The following USP36 variants were observed in gnomAD, a reference collection of about 807,000 sequenced individuals.
The protein encoded by USP36 is ubiquitin carboxyl-terminal hydrolase 36.
In USP36, 59 loss-of-function variants were observed where a neutral mutation model predicts 111.5. That is an observed-to-expected ratio of 0.53 (90% CI 0.43 to 0.66). The LOEUF (loss-of-function observed/expected upper bound fraction) is 0.66, where lower values mean the gene tolerates loss of function less well. Ranked by LOEUF, USP36 falls within the 30% of genes least tolerant of loss-of-function variation. The pLI, the probability that USP36 is intolerant of heterozygous loss-of-function variation, is 0.00. For missense variants in USP36, 1,488 were observed against 1,468.0 expected (o/e 1.01, Z -0.22); for synonymous variants, 628 against 581.0 (o/e 1.08, Z -1.16).
At chr17:78,823,962 C>G (rs1008148224) in intron 6 of USP36, among the ~76,000 whole-genome samples, 6 of 152,174 alleles carry the variant, frequency 3.9e-5, no homozygotes, top group Non-Finnish European at 8.8e-5. Flanking sequence ...CAGCAATGAA[C>G]AAGAATCAAA....
At chr17:78,800,682 T>G (rs959019367) in intron 17 of USP36, among the ~76,000 whole-genome samples, 4 of 152,162 alleles carry the variant, frequency 2.6e-5, no homozygotes, top group Non-Finnish European at 5.9e-5. Context: ...CTCCTGCCCT[T>G]GGGTCTGGTG....
rs2093940604 is a variant in USP36, at chr17:78,807,532, G to A, written c.1512C>T (p.Cys504=). The part of the protein sequence containing the change: ...STLGLKSQNG[C]IPPKLPSGSP... ...ACCCCGAGGGCAGCTTTGGAGGAAT[G>A]CAGCCGTTCTGGGACTTCAGGCCCA... is the stretch of plus-strand genomic sequence containing the variant. Residue 504 remains cysteine, a synonymous_variant, in exon 14 of 21, where the codon TGC becomes TGT. Transcript: ENST00000449938. 6.2e-7 allele frequency: 1 copy of A among 1,613,564 alleles called. No individual in the cohort carries two copies. Among genetic ancestry groups the A allele is most frequent in the Non-Finnish European group, 8.5e-7 (1 of 1,179,776 alleles).
chr17:78,834,997 G>GTATA (rs10527657), intron 4 of USP36, among the ~76,000 whole-genome samples: 43,165 of 141,060 alleles, frequency 0.31, 6,800 homozygotes, highest in South Asian at 0.38. Flanking sequence ...AATAATATTT[G>GTATA]TATATATATA....
chr17:78,806,817 G>A (rs969287945), intron 14 of USP36, 142 bp downstream of exon 14: 20 of 1,213,000 alleles, frequency 1.6e-5, no homozygotes, highest in Non-Finnish European at 2.3e-5. Context: ...AAATGGCTGG[G>A]AACGACTAAA....
At chr17:78,793,170 G>C, downstream of USP36, among the ~76,000 whole-genome samples, 1 of 152,196 alleles carries the variant, frequency 6.6e-6, no homozygotes, top group East Asian at 1.9e-4. Context: ...AGAGAACAGA[G>C]GGAGAGGAGC....
At chr17:78,811,853 A>G (rs1421895653) in intron 13 of USP36, among the ~76,000 whole-genome samples, 2 of 151,844 alleles carry the variant, frequency 1.3e-5, no homozygotes, top group Non-Finnish European at 2.9e-5. Flanking sequence ...GGGCGACAGA[A>G]TGAGACTCCG....
At chr17:78,831,500 C>A (rs2068107840) in intron 4 of USP36, among the ~76,000 whole-genome samples, 1 of 151,858 alleles carries the variant, frequency 6.6e-6, no homozygotes, top group Admixed American at 6.6e-5. Flanking sequence ...GTAATCCCAG[C>A]TACTTGGGAG....
In USP36 at chr17:78,796,462, G is replaced by A. The variant is rs2093630027; in HGVS notation, c.*1438C>T. 6.6e-6 allele frequency: 1 copy of A among 152,224 alleles called. No homozygotes were observed. The highest frequency in any genetic ancestry group is 2.1e-4 in the South Asian group (1 of 4,830). The allele number at this position is 152,224 out of a possible 1,614,324, so 9.4% of individuals were successfully genotyped here. A position where few individuals can be genotyped will look rare whatever the true frequency, so the allele number is the denominator to read the frequency against. ...TCCACTCACTGCTGCTGGGACACAGGTGGCCACAGGAGCTTGATTCTCTCC... is the reference window on the plus strand; with the variant it reads ...TCCACTCACTGCTGCTGGGACACAGATGGCCACAGGAGCTTGATTCTCTCC... On this transcript the variant is annotated 3_prime_UTR_variant, in exon 21 of 21. Transcript: ENST00000449938.
chr17:78,787,908 A>C (rs549042875), intron 3 of USP36, among the ~76,000 whole-genome samples: 1 of 152,356 alleles, frequency 6.6e-6, no homozygotes, highest in South Asian at 2.1e-4. Context: ...CAGAACGGAA[A>C]GATGGCTACG....
intron 17 of USP36, among the ~76,000 whole-genome samples, 166 bp downstream of exon 17, chr17:78,802,158 C>T (rs1418179140): frequency 5.4e-5 from 8 of 147,378 alleles, no homozygotes; most frequent in African/African-American, 2.0e-4. Flanking sequence ...CACACCCACG[C>T]GGTCCCCCAC....
rs1441981836 is a variant in USP36 at position 78,803,800 on chromosome 17, G to A, written c.2395C>T (p.Pro799Ser). Residue 799 changes from proline to serine, a missense_variant, in exon 16 of 21, where the codon CCA becomes TCA. Around this residue, in one of 3 missense-constraint regions of USP36, gnomAD observed 1,073 missense variants for 994.1 expected, o/e 1.08. Transcript: ENST00000449938. The surrounding 1 kb of genome is among the most constrained non-coding windows in gnomAD (Gnocchi z 4.6). Reference protein sequence around the residue: ...EDLVSLPHQLPEASEPPQSPS... With the variant: ...EDLVSLPHQLSEASEPPQSPS... ...CTCTGGGGGGGCTCACTGGCCTCTG[G>A]CAACTGGTGTGGAAGAGACACAAGG... is the stretch of plus-strand genomic sequence containing the variant. 6.2e-7 allele frequency: 1 copy of A among 1,612,840 alleles called. No individual in the cohort carries two copies. Among genetic ancestry groups the A allele is most frequent in the African/African-American group, 1.3e-5 (1 of 74,908 alleles).
intron 7 of USP36, chr17:78,821,276 G>T (rs549978850): frequency 2.2e-5 from 11 of 491,256 alleles, no homozygotes; most frequent in African/African-American, 2.2e-4. Flanking sequence ...GCACTCACAG[G>T]GCCCTCCCTG....
At chr17:78,805,417 C>T (rs1475707614) in intron 15 of USP36, among the ~76,000 whole-genome samples, 6 of 152,184 alleles carry the variant, frequency 3.9e-5, no homozygotes, top group African/African-American at 9.7e-5. Flanking sequence ...CTGTGGGCGA[C>T]GCACAGTCAT....
intron 1 of USP36, among the ~76,000 whole-genome samples, chr17:78,839,863 C>T (rs1312188665): frequency 6.6e-6 from 1 of 152,238 alleles, no homozygotes; most frequent in Non-Finnish European, 1.5e-5. Flanking sequence ...CTCTCTTGTC[C>T]AAGGACAGCA....
Position 78,796,759 on chromosome 17 carries a change from T to A in USP36, c.*1141A>T, listed in dbSNP as rs1448212962. 6.6e-6 allele frequency: 1 copy of A among 152,052 alleles called. No homozygotes were observed. Among genetic ancestry groups the A allele is most frequent in the Non-Finnish European group, 1.5e-5 (1 of 67,976 alleles). 9.4% of individuals were successfully genotyped at this position (152,052 alleles called of 1,614,324 possible). A position where few individuals can be genotyped will look rare whatever the true frequency, so the allele number is the denominator to read the frequency against. ...TCTAAGTCCAACACCACGTTGTCCA[T>A]CTCCACCTGCGACGACTCCGGGAGG... On this transcript the variant is annotated 3_prime_UTR_variant, in exon 21 of 21. Transcript: ENST00000449938.
chr17:78,828,943 G>T lies in USP36; in HGVS notation c.540C>A (p.Asn180Lys). 2 of 1,614,238 alleles carry T rather than the reference G, an allele frequency of 1.2e-6. No individual in the cohort carries two copies. Among genetic ancestry groups the T allele is most frequent in the Non-Finnish European group, 1.7e-6 (2 of 1,180,052 alleles). The change falls in exon 5 of 21, where the codon AAC becomes AAA. Residue 180 changes from asparagine to lysine, a missense_variant. Asn to Lys is a moderately conservative substitution (Grantham distance 94, BLOSUM62 0). Coordinates refer to ENST00000449938, the MANE Select transcript of USP36 (RefSeq NM_001385174.1). ...MQNHIVQAFA[N>K]SGNAIKPVSF... ...AGACGGGCTTGATGGCGTTGCCGCTGTTGGCGAAGGCCTGGACAATGTGGT... is the reference window on the plus strand; with the variant it reads ...AGACGGGCTTGATGGCGTTGCCGCTTTTGGCGAAGGCCTGGACAATGTGGT...
chr17:78,828,677 C>A (rs915374500), intron 5 of USP36, among the ~76,000 whole-genome samples: 1 of 152,168 alleles, frequency 6.6e-6, no homozygotes, highest in Non-Finnish European at 1.5e-5. Context: ...AACTCCCCAG[C>A]ACCTCCTACA....
In USP36 at chr17:78,835,490, T is replaced by G. The variant is rs773371986; in HGVS notation, c.265A>C (p.Thr89Pro). 6.2e-6 allele frequency: 10 copies of G among 1,602,072 alleles called. No individual in the cohort carries two copies. The highest frequency in any genetic ancestry group is 8.5e-6 in the Non-Finnish European group (10 of 1,173,914). ...PPARRQGSEH[T>P]YESCGDGVPA... is the part of the protein sequence containing the mutation. ...ACTCCGTCACCACAGCTCTCATACG[T>G]GTGCTCACTGCCTGAGGAAGAAAGG... The change falls in exon 4 of 21, where the codon ACG becomes CCG. Residue 89 changes from threonine (T) to proline (P), a missense_variant. By Grantham distance (38) the Thr-to-Pro change is conservative. Around this residue, in one of 3 missense-constraint regions of USP36, gnomAD observed 219 missense variants for 209.5 expected, o/e 1.05. Coordinates refer to ENST00000449938, the MANE Select transcript of USP36 (RefSeq NM_001385174.1).
At chr17:78,823,377 A>G (rs2094377182) in intron 6 of USP36, among the ~76,000 whole-genome samples, 1 of 152,146 alleles carries the variant, frequency 6.6e-6, no homozygotes, top group Non-Finnish European at 1.5e-5. Context: ...AGAAGCCCGC[A>G]AGCACCAGCG....
Sources: gnomAD v4.1 joint callset for allele counts (sites outside exome capture counted in the v4.1 genomes callset) on GRCh38, gnomAD v4.1.1 for gene constraint, gnomAD v4.1.1 regional missense constraint, Gnocchi (gnomAD v3.1) non-coding constraint, MANE v1.5 for transcripts, NCBI Gene and HGNC (gene_info 2026-07-23, HGNC 2026-07-21) for gene names.